PDZD2: variants seen among roughly 807,000 people sequenced by gnomAD.
The protein encoded by PDZD2 is PDZ domain-containing protein 2.
A neutral mutation model predicts 220.7 loss-of-function variants in PDZD2; 90 were observed. The ratio of observed to expected loss-of-function variants is 0.41; its 90% CI spans 0.34 to 0.49. The LOEUF is 0.49. PDZD2 is among the 20% of genes least tolerant of loss of function. The probability of loss-of-function intolerance (pLI) is 0.28; values close to 1 mark genes in which losing one functional copy is unlikely to be tolerated. For synonymous variants in PDZD2, 1,375 were observed against 1,450.5 expected, an observed-to-expected ratio of 0.95 and a Z score of 1.18; for missense variants, 3,174 against 3,608.5, an observed-to-expected ratio of 0.88 and a Z score of 3.08.
intron 1 of PDZD2, among the ~76,000 whole-genome samples, chr5:31,709,851 G>A (rs1748006013): frequency 6.6e-6 from 1 of 152,188 alleles, no homozygotes; most frequent in African/African-American, 2.4e-5. Flanking sequence ...AGCTACTCGG[G>A]AGGCTGAGGC....
At position 32,035,617 on chromosome 5, in the gene PDZD2, C is replaced by A. The variant is rs116598103; in HGVS notation, c.1408-1614C>A. Among the ~76,000 whole-genome samples, 1,472 of 152,140 alleles carry A rather than the reference C, an allele frequency of 9.7e-3. 22 individuals carry two copies. The highest frequency in any genetic ancestry group is 0.033 in the African/African-American group (1,387 of 41,500). The stretch of plus-strand genomic sequence containing the variant: ...TCCTGAATAGCTGGGACTACAGGCA[C>A]CCGCCACTGTACCCAGCTATATACT... On this transcript the variant is annotated intron_variant, in intron 6 of 24. Transcript: ENST00000438447.
chr5:31,708,067 A>G (rs1445993025), intron 1 of PDZD2, among the ~76,000 whole-genome samples: 2 of 152,194 alleles, frequency 1.3e-5, no homozygotes, highest in African/African-American at 4.8e-5. Context: ...GAGATACGTA[A>G]TAATACTAGG....
intron 2 of PDZD2, among the ~76,000 whole-genome samples, chr5:31,966,244 T>A (rs186126425): frequency 6.6e-6 from 1 of 152,330 alleles, no homozygotes; most frequent in East Asian, 1.9e-4. Context: ...AATGAGCTGA[T>A]GTGTGTGTGC....
In PDZD2 at chr5:32,098,134, T is replaced by A. The variant is rs1743899724; in HGVS notation, c.7948-230T>A. Among the ~76,000 whole-genome samples the A allele has an allele frequency of 6.6e-6, 1 of 152,108 alleles. No individual in the cohort carries two copies. Among genetic ancestry groups the A allele is most frequent in the Admixed American group, 6.5e-5 (1 of 15,272 alleles). On this transcript the variant is annotated intron_variant, in intron 22 of 24. Transcript: ENST00000438447. This position sits in a 1 kb window ranked among gnomAD's most constrained non-coding sequence, Gnocchi z 4.1. Reference sequence around the variant, plus strand: ...TTAACTTGGCATAGTGGTGTGTGCCTATAATCCCAGCTACTCAGGAGGCTG... The same window carrying A: ...TTAACTTGGCATAGTGGTGTGTGCCAATAATCCCAGCTACTCAGGAGGCTG...
At chr5:31,737,232 G>A (rs1257299818) in intron 1 of PDZD2, among the ~76,000 whole-genome samples, 3 of 142,232 alleles carry the variant, frequency 2.1e-5, no homozygotes, top group Non-Finnish European at 4.5e-5. Flanking sequence ...GAGTGCAGTG[G>A]CGCCATCTCG....
chr5:31,755,295 T>C (rs531791207), intron 1 of PDZD2, among the ~76,000 whole-genome samples: 47 of 152,272 alleles, frequency 3.1e-4, no homozygotes, highest in African/African-American at 6.3e-4. Flanking sequence ...GAGCAAATTA[T>C]AACATGGGAA....
intron 4 of PDZD2, among the ~76,000 whole-genome samples, chr5:31,996,407 G>A (rs1279743052): frequency 1.3e-5 from 2 of 152,084 alleles, no homozygotes; most frequent in Non-Finnish European, 2.9e-5. Context: ...GTGAGACCTG[G>A]TGTTTACAAA....
intron 2 of PDZD2, among the ~76,000 whole-genome samples, chr5:31,821,773 C>T (rs982208824): frequency 9.2e-5 from 14 of 152,140 alleles, no homozygotes; most frequent in African/African-American, 1.7e-4. Flanking sequence ...TGGTTTGCTG[C>T]GCCCATCAAG....
chr5:31,722,342 G>T (rs1249293215), intron 1 of PDZD2, among the ~76,000 whole-genome samples: 1 of 152,086 alleles, frequency 6.6e-6, no homozygotes, highest in Non-Finnish European at 1.5e-5. Context: ...TGGGTTCCTG[G>T]CTCAGGAGCT....
At position 32,011,022 on chromosome 5, in the gene PDZD2, AC is replaced by A. The variant is rs67806013; in HGVS notation, c.1407+541del. Among the ~76,000 whole-genome samples, 796 of 134,276 alleles carry A rather than the reference AC, an allele frequency of 5.9e-3. 15 individuals carry two copies. The highest frequency in any genetic ancestry group is 8.0e-3 in the African/African-American group (270 of 33,662). The allele number at this position is 134,276 out of a possible 152,430, so 88.1% of individuals were successfully genotyped here. On this transcript the variant is annotated intron_variant, in intron 6 of 24. Transcript: ENST00000438447. ...CAAAAACCTCTCAAAAAAAAAAAAA[AC>A]AACAACAACAACAACAACTGGATAT... is the stretch of plus-strand genomic sequence containing the variant.
In PDZD2 at chr5:32,074,671, A is replaced by C. The variant is rs780067470; in HGVS notation, c.3537+28A>C. ...AACTGACTTTCTCTTAGTTACTTGG[A>C]ATGGAAGTGCATGAATATGTGTGAG... On this transcript the variant is annotated intron_variant, in intron 18 of 24. Transcript: ENST00000438447. 3.4e-6 allele frequency: 5 copies of C among 1,460,818 alleles called. No individual in the cohort carries two copies. The South Asian group carries it at 6.3e-5, about 19-fold the overall frequency. The allele number at this position is 1,460,818 out of a possible 1,614,324, so 90.5% of individuals were successfully genotyped here.
intron 1 of PDZD2, among the ~76,000 whole-genome samples, chr5:31,758,475 A>T (rs1364729564): frequency 6.6e-6 from 1 of 152,200 alleles, no homozygotes; most frequent in Non-Finnish European, 1.5e-5. Context: ...GGGGACAGAC[A>T]GCACATGTGG....
intron 3 of PDZD2, among the ~76,000 whole-genome samples, chr5:31,991,124 T>C (rs1273646786): frequency 6.6e-6 from 1 of 152,172 alleles, no homozygotes; most frequent in Non-Finnish European, 1.5e-5. Context: ...ATATGCCACC[T>C]TGGAGTTTGA....
At chr5:31,674,993 C>A (rs536852801) in intron 1 of PDZD2, among the ~76,000 whole-genome samples, 1 of 152,122 alleles carries the variant, frequency 6.6e-6, no homozygotes, top group Admixed American at 6.5e-5. Context: ...TGCTAACCAC[C>A]CTGTATGTGG....
rs887974055 is a variant in PDZD2 at position 31,961,437 on chromosome 5, A to G, written c.477-21718A>G. 5.9e-5 allele frequency among the ~76,000 whole-genome samples: 9 copies of G among 151,826 alleles called. No individual in the cohort carries two copies. The East Asian group carries it at 1.7e-3, about 29-fold the overall frequency. ...GTAGTCTCAGCTACTAGGGAAGCTG[A>G]AGTGAGAGGATCCCTTGAGCTCAGG... On this transcript the variant is annotated intron_variant, in intron 2 of 24. Coordinates refer to ENST00000438447, the MANE Select transcript of PDZD2 (RefSeq NM_178140.4).
intron 2 of PDZD2, among the ~76,000 whole-genome samples, chr5:31,931,808 A>T (rs1745314086): frequency 6.6e-6 from 1 of 151,336 alleles, no homozygotes; most frequent in Non-Finnish European, 1.5e-5. Flanking sequence ...CCAGAGCATG[A>T]TGGTGTCAGT....
intron 1 of PDZD2, among the ~76,000 whole-genome samples, chr5:31,777,330 C>T (rs1474201974): frequency 6.6e-5 from 10 of 152,206 alleles, no homozygotes; most frequent in Non-Finnish European, 1.3e-4. Context: ...AGGCCTCAGC[C>T]GCCTCCCTGC....
At chr5:31,981,173 G>A (rs1002396004) in intron 2 of PDZD2, among the ~76,000 whole-genome samples, 3 of 152,068 alleles carry the variant, frequency 2.0e-5, no homozygotes, top group Admixed American at 6.6e-5. Flanking sequence ...GCCTGTTTTT[G>A]TACATGTAAG....
At chr5:31,825,027 A>C (rs1284846319) in intron 2 of PDZD2, among the ~76,000 whole-genome samples, 1 of 152,106 alleles carries the variant, frequency 6.6e-6, no homozygotes, top group Non-Finnish European at 1.5e-5. Context: ...TTAGTATCAC[A>C]TGACACTGGC....
Sources: allele counts gnomAD v4.1 joint callset (sites outside exome capture counted in the v4.1 genomes callset), GRCh38; gene constraint gnomAD v4.1.1; non-coding constraint Gnocchi (gnomAD v3.1); transcripts MANE v1.5; gene names NCBI Gene and HGNC (gene_info 2026-07-23, HGNC 2026-07-21).